The following CEP128 variants were observed in gnomAD, a reference collection of about 807,000 sequenced individuals.
CEP128 encodes centrosomal protein 128kDa.
Under a neutral mutation model 156.7 loss-of-function variants are expected in CEP128, and 132 were observed. The ratio of observed to expected loss-of-function variants is 0.84; its 90% CI spans 0.73 to 0.97. The LOEUF (loss-of-function observed/expected upper bound fraction) is 0.97, where lower values mean the gene tolerates loss of function less well. CEP128 is among the 50% of genes least tolerant of loss of function. CEP128 has a pLI of 0.00. For synonymous variants in CEP128, 469 were observed against 448.9 expected (o/e 1.04, Z -0.57); for missense variants, 1,252 against 1,281.9 (o/e 0.98, Z 0.36).
chr14:80,760,724 C>T (rs1267529264), intron 17 of CEP128, among the ~76,000 whole-genome samples: 1 of 152,092 alleles, frequency 6.6e-6, no homozygotes, highest in Non-Finnish European at 1.5e-5. Flanking sequence ...GAAGTGCTTA[C>T]CTGCAAGGAA....
intron 19 of CEP128, 26 bp from the exon 20 acceptor site, chr14:80,580,449 T>C (rs750906893): frequency 2.7e-6 from 4 of 1,468,514 alleles, no homozygotes; most frequent in South Asian, 2.4e-5. Flanking sequence ...AAAATACCCA[T>C]CAAAATACAA....
At chr14:80,873,722 C>G (rs984032013) in intron 8 of CEP128, among the ~76,000 whole-genome samples, 1 of 152,008 alleles carries the variant, frequency 6.6e-6, no homozygotes, top group African/African-American at 2.4e-5. Context: ...ATTGTAACTC[C>G]CACAATTCCC....
intron 19 of CEP128, among the ~76,000 whole-genome samples, chr14:80,725,704 C>A (rs958016393): frequency 2.6e-5 from 4 of 152,072 alleles, no homozygotes; most frequent in African/African-American, 9.7e-5. Context: ...TTGTAATTCA[C>A]AAAGTTAAAA....
intron 2 of CEP128, among the ~76,000 whole-genome samples, chr14:80,949,665 G>A (rs1410120700): frequency 6.6e-6 from 1 of 152,096 alleles, no homozygotes; most frequent in East Asian, 1.9e-4. Context: ...ACCTAATAAA[G>A]CTTAAAACCA....
intron 8 of CEP128, among the ~76,000 whole-genome samples, chr14:80,890,733 T>C (rs1178991757): frequency 6.6e-6 from 1 of 152,160 alleles, no homozygotes; most frequent in Non-Finnish European, 1.5e-5. Flanking sequence ...CCATGGTGCA[T>C]GTATACCTAT....
At chr14:80,798,831 T>C (rs1367519546) in intron 13 of CEP128, among the ~76,000 whole-genome samples, 2 of 152,198 alleles carry the variant, frequency 1.3e-5, no homozygotes, top group Non-Finnish European at 2.9e-5. Context: ...TATAGTGCAA[T>C]TTTTCCTCTA....
At chr14:80,758,522 C>G (rs1372045202) in intron 17 of CEP128, among the ~76,000 whole-genome samples, 1 of 115,450 alleles carries the variant, frequency 8.7e-6, no homozygotes, top group Non-Finnish European at 1.9e-5. Context: ...GACTTTGTCT[C>G]AAAAAAAAAA....
At chr14:80,823,497 A>T (rs980897300) in intron 13 of CEP128, among the ~76,000 whole-genome samples, 1 of 151,992 alleles carries the variant, frequency 6.6e-6, no homozygotes, top group Non-Finnish European at 1.5e-5. Context: ...GAAGAAGGGA[A>T]TTTGAAAGTT....
intron 19 of CEP128, 180 bp downstream of exon 19, chr14:80,742,895 C>A: frequency 1.7e-6 from 1 of 592,770 alleles, no homozygotes; most frequent in African/African-American, 1.9e-5. Flanking sequence ...AATGCTGTGG[C>A]TGAAGAATTT....
Position 80,579,052 on chromosome 14 carries a change from C to A in CEP128, c.2856+1322G>T, listed in dbSNP as rs535198389. Among the ~76,000 whole-genome samples the A allele has an allele frequency of 2.7e-3, 413 of 152,212 alleles. 2 individuals are homozygous for A. Among genetic ancestry groups the A allele is most frequent in the African/African-American group, 9.0e-3 (374 of 41,548 alleles). On this transcript the variant is annotated intron_variant, in intron 20 of 24. Transcript: ENST00000555265. The stretch of plus-strand genomic sequence containing the variant: ...CAGGCTATTAAATTTAATGAGATTA[C>A]TAGTTCCAACATTTGCACTGTGAAA...
chr14:80,954,631 A>G (rs1254167237), intron 2 of CEP128, among the ~76,000 whole-genome samples: 1 of 152,164 alleles, frequency 6.6e-6, no homozygotes, highest in Non-Finnish European at 1.5e-5. Flanking sequence ...AAGTTCATAT[A>G]AAAGGAATTA....
intron 19 of CEP128, among the ~76,000 whole-genome samples, chr14:80,603,113 T>C (rs1413171159): frequency 6.6e-6 from 1 of 152,208 alleles, no homozygotes; most frequent in Non-Finnish European, 1.5e-5. Context: ...AGGCCTTTCA[T>C]TTGTCCTGGC....
chr14:80,791,642 A>G (rs1165453047), intron 14 of CEP128, among the ~76,000 whole-genome samples: 2 of 152,204 alleles, frequency 1.3e-5, no homozygotes, highest in Admixed American at 6.5e-5. Context: ...GGATCAGATC[A>G]GTTCAGACAC....
intron 19 of CEP128, among the ~76,000 whole-genome samples, chr14:80,672,805 G>A (rs957168328): frequency 6.6e-6 from 1 of 151,988 alleles, no homozygotes; most frequent in Non-Finnish European, 1.5e-5. Flanking sequence ...AGCATCTGGG[G>A]ATAATAATAT....
chr14:80,893,073 C>A (rs537927427), intron 8 of CEP128, among the ~76,000 whole-genome samples: 1 of 151,964 alleles, frequency 6.6e-6, no homozygotes, highest in South Asian at 2.1e-4. Context: ...TGGAAACAAC[C>A]TAAGTGTCTG....
Position 80,667,658 on chromosome 14 carries a change from A to G in CEP128, c.2806+75417T>C, listed in dbSNP as rs1895673527. Among the ~76,000 whole-genome samples the G allele has an allele frequency of 5.9e-5, 9 of 152,220 alleles. No homozygotes were observed. The South Asian group carries it at 1.9e-3, about 32-fold the overall frequency. On this transcript the variant is annotated intron_variant, in intron 19 of 24. Transcript: ENST00000555265. ...CGGATCACGAGGTCAGGAGATCAAG[A>G]CCATCCTGGCTAACACGGTGAAACC...
chr14:80,704,970 C>A (rs932918363), intron 19 of CEP128, among the ~76,000 whole-genome samples: 1 of 152,034 alleles, frequency 6.6e-6, no homozygotes, highest in African/African-American at 2.4e-5. Flanking sequence ...AGCCACTTAA[C>A]CACCCCATTC....
chr14:80,928,558 A>T (rs1594857297), intron 2 of CEP128, among the ~76,000 whole-genome samples: 1 of 152,166 alleles, frequency 6.6e-6, no homozygotes, highest in African/African-American at 2.4e-5. Context: ...TCAGAGCTCG[A>T]AAACAAGGCT....
In CEP128 at chr14:80,750,592, C is replaced by A. The variant is rs184656675; in HGVS notation, c.2613+6300G>T. ...TGATTTAACTGCAAATTTAAAAAAT[C>A]ACTTCACGTTGCCTTTTCTCCAATG... On this transcript the variant is annotated intron_variant, in intron 18 of 24. Coordinates refer to ENST00000555265, the MANE Select transcript of CEP128 (RefSeq NM_152446.5). 2.0e-5 allele frequency among the ~76,000 whole-genome samples: 3 copies of A among 152,310 alleles called. No homozygotes were observed. The East Asian group carries it at 5.8e-4, about 29-fold the overall frequency.
Sources: gnomAD v4.1 joint callset for allele counts (sites outside exome capture counted in the v4.1 genomes callset) on GRCh38, gnomAD v4.1.1 for gene constraint, MANE v1.5 for transcripts, NCBI Gene and HGNC (gene_info 2026-07-23, HGNC 2026-07-21) for gene names.